Variants in PID1 observed in about 807,000 individuals in gnomAD.
PID1 encodes the protein PTB-containing, cubilin and LRP1-interacting protein.
Under a neutral mutation model 19.1 loss-of-function variants are expected in PID1, and 10 were observed. The ratio of observed to expected loss-of-function variants is 0.52; its 90% CI spans 0.32 to 0.89. PID1 has a LOEUF of 0.89. Among genes scored for constraint, PID1 ranks in the 40% least tolerant of loss-of-function variants. The pLI, the probability that PID1 is intolerant of heterozygous loss-of-function variation, is 0.03. For missense variants in PID1, 248 were observed against 285.3 expected, an observed-to-expected ratio of 0.87 and a Z score of 0.94; for synonymous variants, 130 against 116.0, an observed-to-expected ratio of 1.12 and a Z score of -0.78.
chr2:229,218,344 G>T (rs1378952314), intron 1 of PID1, among the ~76,000 whole-genome samples: 1 of 85,956 alleles, frequency 1.2e-5, no homozygotes, highest in African/African-American at 4.4e-5. Flanking sequence ...ATATAGAAAA[G>T]AAATCACTGA....
chr2:229,208,211 T>C (rs1011042318), intron 1 of PID1, among the ~76,000 whole-genome samples: 2 of 152,260 alleles, frequency 1.3e-5, no homozygotes, highest in South Asian at 2.1e-4. Flanking sequence ...CGTTGCAAAA[T>C]AGAAGAGCAA....
chr2:229,146,320 C>A (rs970681334), intron 2 of PID1, among the ~76,000 whole-genome samples: 9 of 152,038 alleles, frequency 5.9e-5, no homozygotes, highest in African/African-American at 1.7e-4. Context: ...CACTCCAGGG[C>A]CTGTCAGGGG....
intron 2 of PID1, among the ~76,000 whole-genome samples, chr2:229,089,043 C>A (rs1694820970): frequency 6.6e-6 from 1 of 152,102 alleles, no homozygotes; most frequent in South Asian, 2.1e-4. Flanking sequence ...TTCACATTGG[C>A]AACCAGAAGA....
chr2:229,065,469 T>C (rs1171607008), intron 2 of PID1, among the ~76,000 whole-genome samples: 1 of 152,124 alleles, frequency 6.6e-6, no homozygotes, highest in Non-Finnish European at 1.5e-5. Context: ...ATATGGAATA[T>C]TAATCTCATT....
chr2:229,078,996 T>G (rs990040377), intron 2 of PID1, among the ~76,000 whole-genome samples: 1 of 152,196 alleles, frequency 6.6e-6, no homozygotes, highest in East Asian at 1.9e-4. Flanking sequence ...GCAAAACAAG[T>G]GATGCTATGT....
rs980396605 is a variant in PID1, at chr2:229,082,923, T to C, written c.178-56815A>G. ...TGAAAAAGTTTGCATTAATTTGTTA[T>C]AGTGGCAATAGGAAAGGGATGCACC... On this transcript the variant is annotated intron_variant, in intron 2 of 2. Coordinates refer to ENST00000392055, the MANE Select transcript of PID1 (RefSeq NM_001100818.2). Among the ~76,000 whole-genome samples the C allele has an allele frequency of 3.3e-5, 5 of 151,878 alleles. No individual in the cohort carries two copies. The South Asian group carries it at 6.2e-4, about 19-fold the overall frequency.
At chr2:229,152,992 G>T (rs1350696021) in intron 2 of PID1, among the ~76,000 whole-genome samples, 1 of 152,194 alleles carries the variant, frequency 6.6e-6, no homozygotes, top group Non-Finnish European at 1.5e-5. Context: ...TTATTCCTGG[G>T]AGGCGTGAGC....
intron 2 of PID1, among the ~76,000 whole-genome samples, chr2:229,154,598 G>C (rs1690327085): frequency 6.6e-6 from 1 of 152,126 alleles, no homozygotes; most frequent in South Asian, 2.1e-4. Flanking sequence ...ATGAGGTTTT[G>C]TGCATACCAC....
chr2:229,229,227 T>C (rs1378402689), intron 1 of PID1, among the ~76,000 whole-genome samples: 1 of 152,164 alleles, frequency 6.6e-6, no homozygotes, highest in Non-Finnish European at 1.5e-5. Context: ...ACACACTTTC[T>C]CCAGCAGTAC....
intron 1 of PID1, among the ~76,000 whole-genome samples, chr2:229,192,194 G>A (rs571240955): frequency 3.3e-5 from 5 of 152,250 alleles, no homozygotes; most frequent in Admixed American, 3.3e-4. Context: ...ACACAACACG[G>A]TTTGACAGTT....
At chr2:229,235,197 G>A (rs1050930740) in intron 1 of PID1, among the ~76,000 whole-genome samples, 3 of 152,190 alleles carry the variant, frequency 2.0e-5, no homozygotes, top group African/African-American at 7.2e-5. Flanking sequence ...CCTGTGGCGG[G>A]AGGAGCTCTC....
At chr2:229,111,148 T>C (rs751042401) in intron 2 of PID1, among the ~76,000 whole-genome samples, 2 of 152,194 alleles carry the variant, frequency 1.3e-5, no homozygotes, top group Non-Finnish European at 2.9e-5. Context: ...CCCAGCCACA[T>C]GGAACTGTGA....
At chr2:229,064,746 T>C (rs1303430631) in intron 2 of PID1, among the ~76,000 whole-genome samples, 1 of 152,118 alleles carries the variant, frequency 6.6e-6, no homozygotes, top group Admixed American at 6.6e-5. Context: ...TGAAAAGAAG[T>C]CTGAGGAAGT....
intron 2 of PID1, among the ~76,000 whole-genome samples, chr2:229,067,728 T>C (rs1322670292): frequency 4.6e-5 from 7 of 152,312 alleles, no homozygotes; most frequent in South Asian, 2.1e-4. Flanking sequence ...AAATAAGACC[T>C]TCCTTAGCCC....
intron 2 of PID1, among the ~76,000 whole-genome samples, chr2:229,068,689 G>A (rs1694383606): frequency 6.6e-6 from 1 of 152,144 alleles, no homozygotes; most frequent in Non-Finnish European, 1.5e-5. Context: ...TGTCAGCATG[G>A]AGCGGATCAG....
At chr2:229,114,953 C>T (rs1209916341) in intron 2 of PID1, among the ~76,000 whole-genome samples, 2 of 152,000 alleles carry the variant, frequency 1.3e-5, no homozygotes, top group Non-Finnish European at 2.9e-5. Flanking sequence ...TGTTGTTTTT[C>T]TCCAGATCGT....
chr2:229,041,390 GA>G (rs1693767722), intron 2 of PID1, among the ~76,000 whole-genome samples: 1 of 152,118 alleles, frequency 6.6e-6, no homozygotes, highest in Non-Finnish European at 1.5e-5. Context: ...ACAACCCACA[GA>G]ATGGGTAGGA....
At chr2:229,030,172 G>A (rs1289711765) in intron 2 of PID1, among the ~76,000 whole-genome samples, 3 of 152,182 alleles carry the variant, frequency 2.0e-5, no homozygotes, top group Non-Finnish European at 4.4e-5. Context: ...GACAAGTACT[G>A]TATGATTCTA....
chr2:229,245,733 T>G (rs147116250), intron 1 of PID1, among the ~76,000 whole-genome samples: 242 of 152,320 alleles, frequency 1.6e-3, no homozygotes, highest in African/African-American at 5.5e-3. Context: ...TAGATTTTAT[T>G]AGACTCATTT....
Sources: gnomAD v4.1 joint callset for allele counts (sites outside exome capture counted in the v4.1 genomes callset) on GRCh38, gnomAD v4.1.1 for gene constraint, MANE v1.5 for transcripts, NCBI Gene and HGNC (gene_info 2026-07-23, HGNC 2026-07-21) for gene names.